NKD2: variants seen among roughly 807,000 people sequenced by gnomAD.
NKD2 encodes the protein protein naked cuticle homolog 2.
In NKD2, 43 loss-of-function variants were observed where a neutral mutation model predicts 34.8. The observed-to-expected ratio is 1.24, with a 90% CI of 0.97 to 1.60. The LOEUF (loss-of-function observed/expected upper bound fraction) is 1.60. Ranked by LOEUF, NKD2 falls within the 40% of genes most tolerant of loss-of-function variation. The pLI is 0.00. For missense variants in NKD2, 675 were observed against 627.1 expected, an observed-to-expected ratio of 1.08 and a Z score of -0.82; for synonymous variants, 278 against 265.1, an observed-to-expected ratio of 1.05 and a Z score of -0.47.
chr5:1,035,037 TGAGTAAGTGGGTGAGTGAGTGAGA>T (rs1050852559), intron 7 of NKD2, 134 bp downstream of exon 7: 9 of 804,114 alleles, frequency 1.1e-5, no homozygotes, highest in Non-Finnish European at 1.8e-5. Flanking sequence ...AGTGAGTGAA[TGAGTAAGTGGGTGAGTGAGTGAGA>T]GAGTAAGTGG....
intron 3 of NKD2, among the ~76,000 whole-genome samples, chr5:1,030,611 C>T (rs950120281): frequency 1.3e-5 from 2 of 152,240 alleles, no homozygotes; most frequent in African/African-American, 4.8e-5. Flanking sequence ...CAGCGTCCAC[C>T]TGGACAGAGC....
intron 3 of NKD2, among the ~76,000 whole-genome samples, chr5:1,026,705 C>G (rs1444914368): frequency 6.6e-6 from 1 of 152,252 alleles, no homozygotes; most frequent in Non-Finnish European, 1.5e-5. Context: ...TATCCCAAAG[C>G]TCCCCTCCCT....
intron 3 of NKD2, among the ~76,000 whole-genome samples, chr5:1,030,018 G>A (rs1014454213): frequency 2.0e-5 from 3 of 150,552 alleles, no homozygotes; most frequent in Admixed American, 2.0e-4. Context: ...TGTGGTGCGG[G>A]GGGGGGGGTA....
chr5:1,013,991 C>T (rs761762538), intron 3 of NKD2, among the ~76,000 whole-genome samples: 2 of 152,238 alleles, frequency 1.3e-5, no homozygotes, highest in Admixed American at 1.3e-4. Flanking sequence ...GTTTCACAGA[C>T]GAGGCCATCT....
intron 5 of NKD2, 50 bp from the exon 6 acceptor site, chr5:1,034,185 G>T: frequency 7.5e-7 from 1 of 1,332,354 alleles, no homozygotes; most frequent in Non-Finnish European, 1.1e-6. Context: ...GGAGTTGGGC[G>T]TGTTGGCGTG....
Position 1,015,957 on chromosome 5 carries a change from C to T in NKD2, c.141+6397C>T, listed in dbSNP as rs138440545. On this transcript the variant is annotated intron_variant, in intron 3 of 9. Coordinates refer to ENST00000296849, the MANE Select transcript of NKD2 (RefSeq NM_033120.4). ...TTTCAGTCTCTGCCACCTTCTGAGC[C>T]GTCGTCTGTCACAGATCATGACCGT... is the stretch of plus-strand genomic sequence containing the variant. Among the ~76,000 whole-genome samples, 65 of 152,336 alleles carry T rather than the reference C, an allele frequency of 4.3e-4. 2 individuals are homozygous for T. The East Asian group carries it at 9.8e-3, about 23-fold the overall frequency.
intron 3 of NKD2, among the ~76,000 whole-genome samples, chr5:1,017,354 GCCCTGCA>G (rs1170585740): frequency 6.6e-6 from 1 of 152,236 alleles, no homozygotes; most frequent in African/African-American, 2.4e-5. Flanking sequence ...AGGTCCGTGT[GCCCTGCA>G]CCCTTCAGGG....
chr5:1,018,333 C>T (rs540240320), intron 3 of NKD2, among the ~76,000 whole-genome samples: 58 of 152,332 alleles, frequency 3.8e-4, no homozygotes, highest in African/African-American at 1.1e-3. Flanking sequence ...CCTCGGGCTC[C>T]GAGCCCCATC....
rs200617808 is a variant in NKD2, at chr5:1,030,020, G to GT, written c.142-2132_142-2131insT. Among the ~76,000 whole-genome samples, 4 of 150,436 alleles carry GT rather than the reference G, an allele frequency of 2.7e-5. 1 individual carries two copies. Among genetic ancestry groups the GT allele is most frequent in the African/African-American group, 7.4e-5 (3 of 40,572 alleles). The stretch of plus-strand genomic sequence containing the variant: ...CCTGAGGGGGGATTGTGGTGCGGGG[G>GT]GGGGGGTACTGAGAACCCTGGGGGC... On this transcript the variant is annotated intron_variant, in intron 3 of 9. Transcript: ENST00000296849.
chr5:1,021,740 TC>T (rs1203251582), intron 3 of NKD2, among the ~76,000 whole-genome samples: 2 of 151,988 alleles, frequency 1.3e-5, no homozygotes, highest in Non-Finnish European at 2.9e-5. Context: ...CCCCGGCACC[TC>T]CTTGTAAGAA....
intron 4 of NKD2, among the ~76,000 whole-genome samples, chr5:1,032,501 G>A (rs1756684198): frequency 6.6e-6 from 1 of 152,230 alleles, no homozygotes; most frequent in African/African-American, 2.4e-5. Context: ...TTGTGGATGG[G>A]GGTGGCTCTG....
chr5:1,016,859 C>T (rs1031490566), intron 3 of NKD2, among the ~76,000 whole-genome samples: 6 of 152,164 alleles, frequency 3.9e-5, no homozygotes, highest in South Asian at 2.1e-4. Flanking sequence ...ACCTCATCCT[C>T]GTTTCCCCAA....
chr5:1,035,909 CAGTGGCTGGGGGTGGCTG>C (rs1381017511), intron 8 of NKD2: 1 of 348,314 alleles, frequency 2.9e-6, no homozygotes, highest in Non-Finnish European at 5.2e-6. Context: ...GTGGCTGAGG[CAGTGGCTGGGGGTGGCTG>C]GGTGGCTGGG....
chr5:1,037,243 A>G (rs1181523141), intron 9 of NKD2, among the ~76,000 whole-genome samples: 1 of 152,076 alleles, frequency 6.6e-6, no homozygotes, highest in African/African-American at 2.4e-5. Context: ...GGCTGGGGCC[A>G]AGTCTCTCTC....
chr5:1,030,866 C>T (rs1756618916), intron 3 of NKD2, among the ~76,000 whole-genome samples: 1 of 152,234 alleles, frequency 6.6e-6, no homozygotes. Flanking sequence ...CAGCAGGAGA[C>T]CTCAGCTCTG....
At chr5:1,018,531 G>A (rs999451879) in intron 3 of NKD2, among the ~76,000 whole-genome samples, 6 of 152,186 alleles carry the variant, frequency 3.9e-5, no homozygotes, top group African/African-American at 1.2e-4. Flanking sequence ...GCGGGCTCAC[G>A]TGTGTTGGGG....
rs908387377 is a variant in NKD2 at position 1,012,366 on chromosome 5, G to T, written c.141+2806G>T. On this transcript the variant is annotated intron_variant, in intron 3 of 9. Coordinates refer to ENST00000296849, the MANE Select transcript of NKD2 (RefSeq NM_033120.4). ...GCCGTGGCCCTGGCCTGCACGGGGG[G>T]CTCTTGCCCACATCTGCAGGAGGCA... 1.3e-5 allele frequency among the ~76,000 whole-genome samples: 2 copies of T among 152,226 alleles called. 1 individual carries two copies. Among genetic ancestry groups the T allele is most frequent in the Non-Finnish European group, 2.9e-5 (2 of 68,042 alleles).
Position 1,030,021 on chromosome 5 carries a change from G to C in NKD2, c.142-2131G>C, listed in dbSNP as rs980150892. Reference sequence around the variant, plus strand: ...CTGAGGGGGGATTGTGGTGCGGGGGGGGGGGTACTGAGAACCCTGGGGGCT... The same window carrying C: ...CTGAGGGGGGATTGTGGTGCGGGGGCGGGGGTACTGAGAACCCTGGGGGCT... On this transcript the variant is annotated intron_variant, in intron 3 of 9. Coordinates refer to ENST00000296849, the MANE Select transcript of NKD2 (RefSeq NM_033120.4). 3.3e-5 allele frequency among the ~76,000 whole-genome samples: 5 copies of C among 149,582 alleles called. 1 individual carries two copies. The highest frequency in any genetic ancestry group is 1.2e-4 in the African/African-American group (5 of 40,430).
At chr5:1,024,730 A>G (rs1416585443) in intron 3 of NKD2, among the ~76,000 whole-genome samples, 217 of 30,246 alleles carry the variant, frequency 7.2e-3, no homozygotes, top group Non-Finnish European at 0.012. Context: ...TGGGCGTCTC[A>G]GCCCATTGTC....
Sources: allele counts gnomAD v4.1 joint callset (sites outside exome capture counted in the v4.1 genomes callset), GRCh38; gene constraint gnomAD v4.1.1; transcripts MANE v1.5; gene names NCBI Gene and HGNC (gene_info 2026-07-23, HGNC 2026-07-21).